The following ZFAND3 variants were observed in gnomAD, a reference collection of about 807,000 sequenced individuals.
The protein encoded by ZFAND3 is zinc finger AN1-type containing 3.
Under a neutral mutation model 29.6 loss-of-function variants are expected in ZFAND3, and 10 were observed. The observed-to-expected ratio is 0.34, with a 90% CI of 0.21 to 0.57. ZFAND3 has a LOEUF of 0.57. Among genes scored for constraint, ZFAND3 ranks in the 20% least tolerant of loss-of-function variants. ZFAND3 has a pLI of 0.86. For missense variants in ZFAND3, 230 were observed against 304.5 expected (o/e 0.76, Z 1.82); for synonymous variants, 128 against 112.6 (o/e 1.14, Z -0.87).
In ZFAND3 at chr6:38,154,544, A is replaced by T; in HGVS notation, c.*2155A>T. ...CCTAGAGCTCAGTTTTAGTTTTAACATTGTGAAAATATTAAAAGAATCTTG... is the reference window on the plus strand; with the variant it reads ...CCTAGAGCTCAGTTTTAGTTTTAACTTTGTGAAAATATTAAAAGAATCTTG... On this transcript the variant is annotated 3_prime_UTR_variant, in exon 6 of 6. Transcript: ENST00000287218. The T allele has an allele frequency of 1.0e-6, 1 of 976,258 alleles. No homozygotes were observed. The highest frequency in any genetic ancestry group is 5.3e-4 in the Middle Eastern group (1 of 1,896). 60.5% of individuals were successfully genotyped at this position (976,258 alleles called of 1,614,324 possible).
At chr6:37,862,151 A>G (rs1375527571) in intron 1 of ZFAND3, among the ~76,000 whole-genome samples, 1 of 152,112 alleles carries the variant, frequency 6.6e-6, no homozygotes, top group African/African-American at 2.4e-5. Flanking sequence ...TTTTAATGTT[A>G]AAAAATTTAA....
chr6:38,144,211 A>ATTATATATATATATATATAT (rs70981524), intron 5 of ZFAND3, among the ~76,000 whole-genome samples: 1 of 45,880 alleles, frequency 2.2e-5, no homozygotes, highest in Non-Finnish European at 3.9e-5. Flanking sequence ...ATATATATAT[A>ATTATATATATATATATATAT]ATATATAATA....
chr6:37,984,932 T>C (rs1224105082), intron 2 of ZFAND3, among the ~76,000 whole-genome samples: 1 of 152,240 alleles, frequency 6.6e-6, no homozygotes, highest in African/African-American at 2.4e-5. Flanking sequence ...GCAGCAGTTA[T>C]ACTTTTTTCA....
intron 1 of ZFAND3, among the ~76,000 whole-genome samples, chr6:37,898,599 C>G (rs1487975606): frequency 6.6e-6 from 1 of 152,012 alleles, no homozygotes; most frequent in Non-Finnish European, 1.5e-5. Flanking sequence ...TATATATTTC[C>G]ATTTATGTAA....
At chr6:37,987,783 C>T (rs1276851793) in intron 2 of ZFAND3, among the ~76,000 whole-genome samples, 2 of 152,078 alleles carry the variant, frequency 1.3e-5, no homozygotes, top group Non-Finnish European at 2.9e-5. Flanking sequence ...GCCAATTCTC[C>T]TCACTGGAAA....
chr6:38,129,953 A>G (rs902579873), intron 5 of ZFAND3, among the ~76,000 whole-genome samples: 1 of 152,174 alleles, frequency 6.6e-6, no homozygotes, highest in African/African-American at 2.4e-5. Flanking sequence ...ATCCATGAGC[A>G]TGGGATGTGT....
intron 5 of ZFAND3, among the ~76,000 whole-genome samples, chr6:38,149,823 C>G (rs1326521770): frequency 6.6e-6 from 1 of 152,170 alleles, no homozygotes; most frequent in African/African-American, 2.4e-5. Context: ...TTTTATTCAG[C>G]CAGCACCATT....
chr6:37,881,644 A>G (rs551931532), intron 1 of ZFAND3, among the ~76,000 whole-genome samples: 1 of 152,294 alleles, frequency 6.6e-6, no homozygotes, highest in South Asian at 2.1e-4. Flanking sequence ...TCCTTAGCCA[A>G]AAAGTACGAG....
chr6:37,979,045 T>C (rs1488627993), intron 2 of ZFAND3, among the ~76,000 whole-genome samples: 2 of 152,194 alleles, frequency 1.3e-5, no homozygotes, highest in Non-Finnish European at 2.9e-5. Context: ...CATGGCTTTT[T>C]TCTGTTTCAT....
At chr6:38,116,398 A>G (rs115348409) in intron 4 of ZFAND3, among the ~76,000 whole-genome samples, 174 bp from the exon 5 acceptor site, 3 of 152,312 alleles carry the variant, frequency 2.0e-5, no homozygotes, top group African/African-American at 7.2e-5. Context: ...CTAAAGGTAC[A>G]CGTTTGTCAT....
At chr6:37,930,093 G>T in intron 2 of ZFAND3, 94 bp downstream of exon 2, 1 of 1,229,006 alleles carries the variant, frequency 8.1e-7, no homozygotes. Flanking sequence ...TGACCCTAAA[G>T]GATTTATGCA....
At chr6:38,004,520 G>A (rs1185112474) in intron 2 of ZFAND3, among the ~76,000 whole-genome samples, 3 of 122,568 alleles carry the variant, frequency 2.4e-5, no homozygotes, top group Non-Finnish European at 5.3e-5. Context: ...ACACTTGGAA[G>A]TGCTAAAGCT....
intron 1 of ZFAND3, among the ~76,000 whole-genome samples, chr6:37,881,133 G>A (rs1261333618): frequency 1.3e-5 from 2 of 152,040 alleles, no homozygotes; most frequent in South Asian, 2.1e-4. Context: ...GTGCAGTGGT[G>A]CAATCTATAC....
rs368358350 is a variant in ZFAND3 at position 37,891,416 on chromosome 6, T to TCCCCCGCCC, written c.72-38538_72-38537insGCCCCCCCC. Reference sequence around the variant, plus strand: ...TTTGACAAATAGTTGGAGATTTCAGTCCCCCCCCCCGCCTTTAAAATACAA... The same window carrying TCCCCCGCCC: ...TTTGACAAATAGTTGGAGATTTCAGTCCCCCGCCCCCCCCCCCCCGCCTTTAAAATACAA... On this transcript the variant is annotated intron_variant, in intron 1 of 5. Coordinates refer to ENST00000287218, the MANE Select transcript of ZFAND3 (RefSeq NM_021943.3). Among the ~76,000 whole-genome samples the TCCCCCGCCC allele has an allele frequency of 8.3e-4, 97 of 117,136 alleles. 3 individuals are homozygous for TCCCCCGCCC. In the East Asian group the frequency reaches 0.017, roughly 21 times the overall value. 76.8% of individuals were successfully genotyped at this position (117,136 alleles called of 152,430 possible).
At chr6:37,933,615 A>C (rs1761637640) in intron 2 of ZFAND3, among the ~76,000 whole-genome samples, 1 of 152,202 alleles carries the variant, frequency 6.6e-6, no homozygotes, top group Admixed American at 6.5e-5. Flanking sequence ...CCAAATTATA[A>C]TGCTTCTGTG....
intron 2 of ZFAND3, among the ~76,000 whole-genome samples, chr6:38,051,118 A>G (rs1238517755): frequency 6.6e-6 from 1 of 152,164 alleles, no homozygotes; most frequent in African/African-American, 2.4e-5. Context: ...AAGAGCATAC[A>G]TAGGTGGGCA....
intron 4 of ZFAND3, among the ~76,000 whole-genome samples, chr6:38,109,052 A>G (rs992899513): frequency 2.6e-5 from 4 of 152,126 alleles, no homozygotes; most frequent in East Asian, 3.8e-4. Context: ...CAACACTCGT[A>G]TTCAGCATCA....
chr6:37,885,028 CTCTT>C lies in ZFAND3; in HGVS notation c.72-44926_72-44923del, dbSNP rs1328099311. Among the ~76,000 whole-genome samples the C allele has an allele frequency of 4.6e-5, 7 of 152,294 alleles. No individual in the cohort carries two copies. In the East Asian group the frequency reaches 1.3e-3, roughly 29 times the overall value. On this transcript the variant is annotated intron_variant, in intron 1 of 5. Coordinates refer to ENST00000287218, the MANE Select transcript of ZFAND3 (RefSeq NM_021943.3). ...GTTTTCAGAAATCTAGTTTTCGAGC[CTCTT>C]TCTTCCAACAGTACCATCATTGCTC...
At chr6:38,053,791 TAGG>T (rs996394581) in intron 2 of ZFAND3, among the ~76,000 whole-genome samples, 1 of 152,286 alleles carries the variant, frequency 6.6e-6, no homozygotes, top group African/African-American at 2.4e-5. Flanking sequence ...AAGAGATATT[TAGG>T]AGTTGTAAAT....
Sources: gnomAD v4.1 joint callset for allele counts (sites outside exome capture counted in the v4.1 genomes callset) on GRCh38, gnomAD v4.1.1 for gene constraint, MANE v1.5 for transcripts, NCBI Gene and HGNC (gene_info 2026-07-23, HGNC 2026-07-21) for gene names.